Variants in CPNE4 observed in about 807,000 individuals in gnomAD.
CPNE4 encodes the protein copine 4, also known as copine-4.
In CPNE4, 25 loss-of-function variants were observed where a neutral mutation model predicts 67.9. The ratio of observed to expected loss-of-function variants is 0.37; its 90% CI spans 0.27 to 0.51. CPNE4 has a LOEUF of 0.51. Ranked by LOEUF, CPNE4 falls within the 20% of genes least tolerant of loss-of-function variation. The pLI, the probability that CPNE4 is intolerant of heterozygous loss-of-function variation, is 0.93. For missense variants in CPNE4, 464 were observed against 690.8 expected (o/e 0.67, Z 3.68); for synonymous variants, 242 against 244.9 (o/e 0.99, Z 0.11).
intron 1 of CPNE4, among the ~76,000 whole-genome samples, chr3:132,001,396 T>C (rs2073427323): frequency 6.6e-6 from 1 of 151,756 alleles, no homozygotes; most frequent in Non-Finnish European, 1.5e-5. Context: ...AATCAATATA[T>C]GACAAATGAA....
At chr3:131,562,934 G>C (rs1936855873) in intron 11 of CPNE4, among the ~76,000 whole-genome samples, 1 of 152,046 alleles carries the variant, frequency 6.6e-6, no homozygotes, top group Non-Finnish European at 1.5e-5. Context: ...GCAAGGGCCT[G>C]AGTGTTTAAA....
intron 3 of CPNE4, among the ~76,000 whole-genome samples, chr3:131,715,732 T>TG (rs2081667477): frequency 6.6e-6 from 1 of 152,178 alleles, no homozygotes; most frequent in Non-Finnish European, 1.5e-5. Flanking sequence ...GTGGATGAAG[T>TG]GGGAAAATAT....
At chr3:132,029,902 T>C (rs2074201549) in intron 1 of CPNE4, among the ~76,000 whole-genome samples, 2 of 152,234 alleles carry the variant, frequency 1.3e-5, no homozygotes, top group Non-Finnish European at 2.9e-5. Flanking sequence ...CTTTGTTTAC[T>C]TTATTGACTC....
chr3:131,711,930 C>A (rs1372406480), intron 3 of CPNE4, among the ~76,000 whole-genome samples: 1 of 152,124 alleles, frequency 6.6e-6, no homozygotes, highest in Non-Finnish European at 1.5e-5. Context: ...TTCAAAAGAT[C>A]AGAATCAAAT....
chr3:131,918,979 G>A lies in CPNE4; in HGVS notation c.-1-13535C>T, dbSNP rs566860282. The stretch of plus-strand genomic sequence containing the variant: ...ACTATGAAAAGTGTTGTAGGGAGCC[G>A]AAGTGAGAATGCCCAGGAAACAGTG... On this transcript the variant is annotated intron_variant, in intron 1 of 15. Transcript: ENST00000429747. 2.4e-4 allele frequency among the ~76,000 whole-genome samples: 36 copies of A among 152,198 alleles called. No individual in the cohort carries two copies. In the South Asian group the frequency reaches 6.4e-3, roughly 27 times the overall value.
At chr3:131,573,030 A>G (rs1239752794) in intron 10 of CPNE4, among the ~76,000 whole-genome samples, 1 of 152,140 alleles carries the variant, frequency 6.6e-6, no homozygotes, top group African/African-American at 2.4e-5. Flanking sequence ...TTGAGCAATA[A>G]AACATTTAGA....
At chr3:131,807,272 G>A (rs73222329) in intron 2 of CPNE4, among the ~76,000 whole-genome samples, 14,071 of 152,160 alleles carry the variant, frequency 0.092, 814 homozygotes, top group East Asian at 0.17. Context: ...AGTCACACGT[G>A]CCTTTGTTCA....
intron 1 of CPNE4, among the ~76,000 whole-genome samples, chr3:131,987,886 G>A (rs922400175): frequency 2.0e-5 from 3 of 152,142 alleles, no homozygotes; most frequent in African/African-American, 7.2e-5. Flanking sequence ...AAGTCGATTT[G>A]CTATAAATGT....
intron 7 of CPNE4, among the ~76,000 whole-genome samples, chr3:131,642,125 C>T (rs575065081): frequency 6.6e-6 from 1 of 151,854 alleles, no homozygotes; most frequent in East Asian, 1.9e-4. Flanking sequence ...ATTCATGTAA[C>T]CAAATGCCAG....
chr3:131,903,155 G>C (rs2088613814), intron 2 of CPNE4, among the ~76,000 whole-genome samples: 1 of 152,060 alleles, frequency 6.6e-6, no homozygotes. Context: ...GTCTCTTAGA[G>C]GGACACCTTC....
chr3:131,709,334 G>A (rs2081502627), intron 3 of CPNE4, among the ~76,000 whole-genome samples: 2 of 152,124 alleles, frequency 1.3e-5, no homozygotes, highest in African/African-American at 4.8e-5. Flanking sequence ...TCCGGAGGAA[G>A]AGCCTGGGAT....
At chr3:131,857,430 G>A (rs752046060) in intron 2 of CPNE4, among the ~76,000 whole-genome samples, 5 of 151,952 alleles carry the variant, frequency 3.3e-5, no homozygotes, top group Non-Finnish European at 7.4e-5. Context: ...CAAGTCAGTG[G>A]AGCCCTAGGG....
intron 2 of CPNE4, among the ~76,000 whole-genome samples, chr3:131,785,222 A>C (rs1367906611): frequency 1.3e-5 from 2 of 152,120 alleles, no homozygotes; most frequent in African/African-American, 2.4e-5. Flanking sequence ...ACTGAGGCTT[A>C]GGGAGATTAA....
At chr3:132,021,980 C>T (rs986055965) in intron 1 of CPNE4, among the ~76,000 whole-genome samples, 11 of 152,334 alleles carry the variant, frequency 7.2e-5, no homozygotes, top group African/African-American at 2.6e-4. Context: ...TACCTCTTCT[C>T]CCCAGCATAG....
At chr3:131,695,126 CA>C (rs1368107487) in intron 5 of CPNE4, among the ~76,000 whole-genome samples, 1 of 152,136 alleles carries the variant, frequency 6.6e-6, no homozygotes, top group African/African-American at 2.4e-5. Context: ...CATCTGAGAC[CA>C]TTTAACTTCC....
At chr3:131,749,432 T>C (rs1044032313) in intron 2 of CPNE4, among the ~76,000 whole-genome samples, 1 of 152,132 alleles carries the variant, frequency 6.6e-6, no homozygotes, top group Non-Finnish European at 1.5e-5. Flanking sequence ...ATGTTGCTGG[T>C]TTGGAGTGAA....
chr3:131,783,311 C>G (rs1166672641), intron 2 of CPNE4, among the ~76,000 whole-genome samples: 1 of 152,070 alleles, frequency 6.6e-6, no homozygotes, highest in African/African-American at 2.4e-5. Flanking sequence ...GAATAATGGG[C>G]ATCAGTTTTG....
At chr3:131,974,672 A>G (rs956860766) in intron 1 of CPNE4, among the ~76,000 whole-genome samples, 2 of 152,136 alleles carry the variant, frequency 1.3e-5, no homozygotes, top group African/African-American at 4.8e-5. Flanking sequence ...CTATCTGCCC[A>G]TTGTTTCTCT....
chr3:131,947,613 C>T (rs1052146019), intron 1 of CPNE4, among the ~76,000 whole-genome samples: 1 of 152,148 alleles, frequency 6.6e-6, no homozygotes, highest in Non-Finnish European at 1.5e-5. Context: ...ATATGTGCCA[C>T]ATTTTATTTA....
Sources: allele counts gnomAD v4.1 joint callset (sites outside exome capture counted in the v4.1 genomes callset), GRCh38; gene constraint gnomAD v4.1.1; transcripts MANE v1.5; gene names NCBI Gene and HGNC (gene_info 2026-07-23, HGNC 2026-07-21).